Variants in SNAP25 observed in about 807,000 individuals in gnomAD.
The protein encoded by SNAP25 is synaptosome associated protein 25.
A neutral mutation model predicts 28.7 loss-of-function variants in SNAP25; 3 were observed. The ratio of observed to expected loss-of-function variants is 0.10; its 90% CI spans 0.05 to 0.27. SNAP25 has a LOEUF of 0.27. Among genes scored for constraint, SNAP25 ranks in the 10% least tolerant of loss-of-function variants. The pLI is 1.00. For synonymous variants in SNAP25, 61 were observed against 88.1 expected (o/e 0.69, Z 1.72); for missense variants, 117 against 278.7 (o/e 0.42, Z 4.13).
In SNAP25 at chr20:10,270,666, T is replaced by C. The variant is rs534427299; in HGVS notation, c.-63-4763T>C. 9.3e-5 allele frequency among the ~76,000 whole-genome samples: 14 copies of C among 150,986 alleles called. No homozygotes were observed. In the East Asian group the frequency reaches 2.5e-3, roughly 27 times the overall value. Reference sequence around the variant, plus strand: ...GTGAGCTGAGATGGCACCACTGCACTCCAGCCAAGGTGACAGAGTGAAACT... The same window carrying C: ...GTGAGCTGAGATGGCACCACTGCACCCCAGCCAAGGTGACAGAGTGAAACT... On this transcript the variant is annotated intron_variant, in intron 1 of 7. Transcript: ENST00000254976.
At chr20:10,252,069 G>A (rs2063239222) in intron 1 of SNAP25, among the ~76,000 whole-genome samples, 2 of 152,170 alleles carry the variant, frequency 1.3e-5, no homozygotes. Flanking sequence ...CCAGTTAACA[G>A]GCCCTATGTG....
chr20:10,248,146 C>T (rs1212532043), intron 1 of SNAP25, among the ~76,000 whole-genome samples: 2 of 152,108 alleles, frequency 1.3e-5, no homozygotes, highest in Non-Finnish European at 2.9e-5. Context: ...AGTTGTTCTC[C>T]CCAGCTGAAT....
At chr20:10,305,122 T>C (rs1348952252) in intron 7 of SNAP25, among the ~76,000 whole-genome samples, 1 of 152,204 alleles carries the variant, frequency 6.6e-6, no homozygotes, top group Non-Finnish European at 1.5e-5. Flanking sequence ...TATCTACATA[T>C]ATTTTATCCA....
chr20:10,246,267 G>A lies in SNAP25; in HGVS notation c.-64+27290G>A, dbSNP rs74843547. 3.3e-3 allele frequency among the ~76,000 whole-genome samples: 499 copies of A among 152,304 alleles called. 3 individuals are homozygous for A. The highest frequency in any genetic ancestry group is 0.012 in the African/African-American group (482 of 41,572). On this transcript the variant is annotated intron_variant, in intron 1 of 7. Transcript: ENST00000254976. ...TGGGTGTATGCGTGTGTGTGTGCACGTGCGTGCATTCGTGTGCGAGCGCAT... is the reference window on the plus strand; with the variant it reads ...TGGGTGTATGCGTGTGTGTGTGCACATGCGTGCATTCGTGTGCGAGCGCAT...
chr20:10,265,070 G>A (rs1486582625), intron 1 of SNAP25, among the ~76,000 whole-genome samples: 1 of 151,990 alleles, frequency 6.6e-6, no homozygotes. Flanking sequence ...ATGCAAGATG[G>A]TATATCAATT....
At chr20:10,282,220 GAA>G (rs2063793503) in intron 3 of SNAP25, among the ~76,000 whole-genome samples, 3 of 146,544 alleles carry the variant, frequency 2.0e-5, no homozygotes, top group Non-Finnish European at 3.0e-5. Context: ...AGGAAGGAAG[GAA>G]GGAAGGGAAA....
intron 4 of SNAP25, among the ~76,000 whole-genome samples, chr20:10,286,160 C>A (rs1253259618): frequency 2.0e-5 from 3 of 151,734 alleles, no homozygotes; most frequent in Non-Finnish European, 4.4e-5. Flanking sequence ...GGAGACCAAC[C>A]CAATTAATTG....
In SNAP25 at chr20:10,306,450, T is replaced by C. The variant is rs1186075069; in HGVS notation, c.*253T>C. On this transcript the variant is annotated 3_prime_UTR_variant, in exon 8 of 8. Coordinates refer to ENST00000254976, the MANE Select transcript of SNAP25 (RefSeq NM_130811.4). ...TAACTCCTTGAGGTCTTGAGTTTCATTTTTCATTTTCTCTCCTCGGTGGCA... is the reference window on the plus strand; with the variant it reads ...TAACTCCTTGAGGTCTTGAGTTTCACTTTTCATTTTCTCTCCTCGGTGGCA... The C allele has an allele frequency of 5.4e-6, 2 of 371,246 alleles. No homozygotes were observed. Among genetic ancestry groups the C allele is most frequent in the Non-Finnish European group, 9.7e-6 (2 of 205,158 alleles). The allele number at this position is 371,246 out of a possible 1,614,324, so 23.0% of individuals were successfully genotyped here. A position where few individuals can be genotyped will look rare whatever the true frequency, so the allele number is the denominator to read the frequency against.
At chr20:10,220,208 A>G (rs1012883016) in intron 1 of SNAP25, among the ~76,000 whole-genome samples, 2 of 152,192 alleles carry the variant, frequency 1.3e-5, no homozygotes, top group African/African-American at 2.4e-5. Flanking sequence ...CAACTTTAAG[A>G]ATGAATCACT....
At chr20:10,241,778 G>C (rs1428993055) in intron 1 of SNAP25, among the ~76,000 whole-genome samples, 6 of 152,206 alleles carry the variant, frequency 3.9e-5, no homozygotes, top group Non-Finnish European at 8.8e-5. Context: ...GAGAAGCGCA[G>C]AGGAAAGTGA....
intron 1 of SNAP25, among the ~76,000 whole-genome samples, chr20:10,269,991 C>T (rs150394018): frequency 0.012 from 1,775 of 152,334 alleles, 32 homozygotes; most frequent in African/African-American, 0.037. Context: ...CGGTGGCTTA[C>T]GCCTGTCATC....
chr20:10,238,145 C>T (rs3787300), intron 1 of SNAP25, among the ~76,000 whole-genome samples: 3 of 151,914 alleles, frequency 2.0e-5, no homozygotes, highest in Non-Finnish European at 2.9e-5. Context: ...AACTCATACC[C>T]ACCCACCCAT....
chr20:10,284,775 A>G lies in SNAP25; in HGVS notation c.163+3A>G. The G allele has an allele frequency of 1.2e-6, 2 of 1,610,188 alleles. No homozygotes were observed. The highest frequency in any genetic ancestry group is 1.7e-6 in the Non-Finnish European group (2 of 1,176,652). ...GGTTATGTTGGATGAACAAGGAGGT[A>G]AGTTCAGATTTCTTCAGTAAGAACA... On this transcript the variant is annotated splice_donor_region_variant and intron_variant, in intron 4 of 7. Coordinates refer to ENST00000254976, the MANE Select transcript of SNAP25 (RefSeq NM_130811.4).
At chr20:10,295,292 CCTTTGA>C (rs2064085380) in intron 5 of SNAP25, among the ~76,000 whole-genome samples, 1 of 152,188 alleles carries the variant, frequency 6.6e-6, no homozygotes, top group African/African-American at 2.4e-5. Context: ...ACTTCCCACT[CCTTTGA>C]CTTTGCCAAA....
At chr20:10,226,743 C>A (rs947385268) in intron 1 of SNAP25, among the ~76,000 whole-genome samples, 16 of 152,082 alleles carry the variant, frequency 1.1e-4, no homozygotes, top group South Asian at 8.3e-4. Context: ...ATATTAAGAA[C>A]CAGCCTCAGC....
intron 3 of SNAP25, among the ~76,000 whole-genome samples, chr20:10,280,056 C>T (rs1467439853): frequency 6.6e-6 from 1 of 152,220 alleles, no homozygotes; most frequent in Non-Finnish European, 1.5e-5. Context: ...GGATCTTACT[C>T]ATGATCCCAA....
intron 7 of SNAP25, among the ~76,000 whole-genome samples, chr20:10,305,882 A>T (rs1448211010): frequency 2.6e-5 from 4 of 152,080 alleles, no homozygotes; most frequent in African/African-American, 9.7e-5. Context: ...AATGAAAATT[A>T]AAAAAGCAAT....
chr20:10,221,147 A>G (rs184977321), intron 1 of SNAP25, among the ~76,000 whole-genome samples: 7 of 152,370 alleles, frequency 4.6e-5, no homozygotes, highest in Admixed American at 4.6e-4. Context: ...ATGTCCAGAC[A>G]GCTGTCTGCG....
chr20:10,305,962 A>T (rs1408876491), intron 7 of SNAP25, among the ~76,000 whole-genome samples, 167 bp from the exon 8 acceptor site: 1 of 152,112 alleles, frequency 6.6e-6, no homozygotes, highest in Non-Finnish European at 1.5e-5. Context: ...TCACATTCAA[A>T]TAGAGCCATA....
Sources: allele counts gnomAD v4.1 joint callset (sites outside exome capture counted in the v4.1 genomes callset), GRCh38; gene constraint gnomAD v4.1.1; transcripts MANE v1.5; gene names NCBI Gene and HGNC (gene_info 2026-07-23, HGNC 2026-07-21).